Variants in ST7 observed in about 807,000 individuals in gnomAD.
The protein encoded by ST7 is suppression of tumorigenicity 7.
In ST7, 28 loss-of-function variants were observed where a neutral mutation model predicts 78.7. That is an observed-to-expected ratio of 0.36 (90% CI 0.26 to 0.49). The LOEUF (loss-of-function observed/expected upper bound fraction) is 0.49. ST7 is among the 20% of genes least tolerant of loss of function. ST7 has a pLI of 0.99. For missense variants in ST7, 418 were observed against 696.0 expected, an observed-to-expected ratio of 0.60 and a Z score of 4.49; for synonymous variants, 247 against 249.6, an observed-to-expected ratio of 0.99 and a Z score of 0.10.
chr7:117,172,290 A>G (rs750561237), intron 10 of ST7, among the ~76,000 whole-genome samples: 26 of 152,188 alleles, frequency 1.7e-4, no homozygotes, highest in Non-Finnish European at 3.5e-4. Context: ...AATCTCTGAA[A>G]TGGGTGAGAG....
Position 116,956,343 on chromosome 7 carries a change from G to A in ST7, c.151+2652G>A, listed in dbSNP as rs1452642846. The A allele has an allele frequency of 1.1e-5, 4 of 376,886 alleles. No individual in the cohort carries two copies. The Admixed American group carries it at 1.4e-4, about 13-fold the overall frequency. The allele number at this position is 376,886 out of a possible 1,614,324, so 23.3% of individuals were successfully genotyped here. The stretch of plus-strand genomic sequence containing the variant: ...TTAGCCAGCACCCCTGAGAGGGGAG[G>A]CAGGAGCTAGCCTGGTCTAACTTGT... On this transcript the variant is annotated intron_variant, in intron 1 of 15. Coordinates refer to ENST00000323984, the MANE Select transcript of ST7 (RefSeq NM_001369598.1).
chr7:117,208,947 G>A (rs1792051623), intron 12 of ST7, among the ~76,000 whole-genome samples: 1 of 148,702 alleles, frequency 6.7e-6, no homozygotes, highest in Admixed American at 6.8e-5. Flanking sequence ...GTGTGTGTCA[G>A]GGATGGATCC....
intron 1 of ST7, chr7:116,968,349 C>T: frequency 2.7e-6 from 1 of 372,896 alleles, no homozygotes; most frequent in South Asian, 1.9e-5. Context: ...CCCTCCCTCC[C>T]TCCCTCCTTC....
intron 13 of ST7, among the ~76,000 whole-genome samples, chr7:117,213,609 A>G (rs1485779250): frequency 6.6e-6 from 1 of 151,972 alleles, no homozygotes; most frequent in Non-Finnish European, 1.5e-5. Flanking sequence ...TGCATGGCAG[A>G]GATTGTTTGG....
At chr7:117,127,501 AAAAAT>A (rs1803950484) in intron 3 of ST7, among the ~76,000 whole-genome samples, 1 of 151,982 alleles carries the variant, frequency 6.6e-6, no homozygotes, top group Non-Finnish European at 1.5e-5. Context: ...TTCTTAAAAT[AAAAAT>A]ATACCTGTCT....
chr7:117,194,696 A>G (rs1810119842), intron 12 of ST7, among the ~76,000 whole-genome samples: 1 of 152,200 alleles, frequency 6.6e-6, no homozygotes, highest in Admixed American at 6.5e-5. Context: ...TACCCTCACC[A>G]CGGTTCTATA....
chr7:117,053,022 T>G (rs1797868724), intron 1 of ST7, among the ~76,000 whole-genome samples: 1 of 152,226 alleles, frequency 6.6e-6, no homozygotes, highest in Non-Finnish European at 1.5e-5. Flanking sequence ...TATCAACTAT[T>G]ACTCAAAGAC....
rs182117525 is a variant in ST7 at position 117,222,364 on chromosome 7, G to A, written c.1638+302G>A. On this transcript the variant is annotated intron_variant, in intron 15 of 15. Transcript: ENST00000323984. ...AAATCCTAGCAAATGAAAATGTGTG[G>A]GAAGTTACTCGGTTTTCTGTAAATT... Among the ~76,000 whole-genome samples the A allele has an allele frequency of 2.6e-5, 4 of 152,276 alleles. No individual in the cohort carries two copies. The East Asian group carries it at 7.7e-4, about 29-fold the overall frequency.
chr7:117,222,497 C>T (rs953630208), intron 15 of ST7, among the ~76,000 whole-genome samples: 1 of 151,954 alleles, frequency 6.6e-6, no homozygotes, highest in Non-Finnish European at 1.5e-5. Flanking sequence ...GGCTGCAAAC[C>T]CTTGGCTTGT....
rs188567831 is a variant in ST7 at position 117,086,271 on chromosome 7, A to G, written c.152-13491A>G. 9.4e-4 allele frequency among the ~76,000 whole-genome samples: 143 copies of G among 152,304 alleles called. 1 individual carries two copies. Among genetic ancestry groups the G allele is most frequent in the Admixed American group, 3.4e-3 (52 of 15,286 alleles). Reference sequence around the variant, plus strand: ...AGTGGTAATACTCATTTGTAATACAACTGGGCCAGAGGTACCTTCTGAGTT... The same window carrying G: ...AGTGGTAATACTCATTTGTAATACAGCTGGGCCAGAGGTACCTTCTGAGTT... On this transcript the variant is annotated intron_variant, in intron 1 of 15. Coordinates refer to ENST00000323984, the MANE Select transcript of ST7 (RefSeq NM_001369598.1).
At chr7:117,036,407 A>G (rs1023089645) in intron 1 of ST7, among the ~76,000 whole-genome samples, 1 of 152,242 alleles carries the variant, frequency 6.6e-6, no homozygotes, top group African/African-American at 2.4e-5. Context: ...GACATTTATC[A>G]TGATCAGTGG....
intron 2 of ST7, among the ~76,000 whole-genome samples, chr7:117,101,908 A>G (rs993409640): frequency 1.3e-5 from 2 of 152,230 alleles, no homozygotes; most frequent in Non-Finnish European, 2.9e-5. Flanking sequence ...GGTGAAGCAT[A>G]TTAAACTTCC....
intron 15 of ST7, among the ~76,000 whole-genome samples, chr7:117,227,548 GATATACAT>G (rs1311970399): frequency 6.6e-5 from 10 of 152,164 alleles, no homozygotes; most frequent in Admixed American, 1.3e-4. Context: ...TGTGTATGTA[GATATACAT>G]ATACGCAGAC....
At chr7:116,983,430 T>C (rs1794048750) in intron 1 of ST7, among the ~76,000 whole-genome samples, 1 of 152,152 alleles carries the variant, frequency 6.6e-6, no homozygotes, top group Non-Finnish European at 1.5e-5. Flanking sequence ...CTGGCTCTGA[T>C]ATCACATGCT....
intron 1 of ST7, among the ~76,000 whole-genome samples, chr7:116,971,877 A>G (rs1793443017): frequency 6.6e-6 from 1 of 152,236 alleles, no homozygotes; most frequent in African/African-American, 2.4e-5. Flanking sequence ...AAAAAAGGTA[A>G]TCACAAATGT....
intron 1 of ST7, among the ~76,000 whole-genome samples, chr7:116,974,087 A>AT (rs1386322593): frequency 6.6e-6 from 1 of 152,148 alleles, no homozygotes; most frequent in African/African-American, 2.4e-5. Flanking sequence ...CCTTATTGAC[A>AT]TTGGGAGAGG....
intron 1 of ST7, chr7:117,020,546 C>G: frequency 6.5e-7 from 1 of 1,542,786 alleles, no homozygotes; most frequent in East Asian, 2.4e-5. Context: ...CCTCGCTTTT[C>G]TTTCTTTTTT....
chr7:116,965,300 A>G (rs966224088), intron 1 of ST7, among the ~76,000 whole-genome samples: 18 of 148,354 alleles, frequency 1.2e-4, no homozygotes, highest in Non-Finnish European at 2.5e-4. Flanking sequence ...AGATTGCACC[A>G]CTGCACTCCA....
intron 1 of ST7, among the ~76,000 whole-genome samples, chr7:117,089,983 T>G (rs528365538): frequency 3.0e-4 from 45 of 152,308 alleles, no homozygotes; most frequent in African/African-American, 1.1e-3. Flanking sequence ...GCCATTCTTT[T>G]TAAGGGTGAA....
Sources: gnomAD v4.1 joint callset for allele counts (sites outside exome capture counted in the v4.1 genomes callset) on GRCh38, gnomAD v4.1.1 for gene constraint, MANE v1.5 for transcripts, NCBI Gene and HGNC (gene_info 2026-07-23, HGNC 2026-07-21) for gene names.